The following MICAL2 variants were observed in gnomAD, a reference collection of about 807,000 sequenced individuals.
The protein encoded by MICAL2 is [F-actin]-monooxygenase MICAL2.
A neutral mutation model predicts 127.3 loss-of-function variants in MICAL2; 77 were observed. That is an observed-to-expected ratio of 0.60 (90% CI 0.50 to 0.73). The LOEUF (loss-of-function observed/expected upper bound fraction) is 0.73, where lower values mean the gene tolerates loss of function less well. Ranked by LOEUF, MICAL2 falls within the 30% of genes least tolerant of loss-of-function variation. The pLI is 0.00. For missense variants in MICAL2, 1,351 were observed against 1,434.4 expected, an observed-to-expected ratio of 0.94 and a Z score of 0.94; for synonymous variants, 570 against 551.1, an observed-to-expected ratio of 1.03 and a Z score of -0.48.
chr11:12,205,258 G>T (rs1302448449), intron 4 of MICAL2, among the ~76,000 whole-genome samples: 1 of 152,166 alleles, frequency 6.6e-6, no homozygotes, highest in Non-Finnish European at 1.5e-5. Flanking sequence ...CGGGTTTTGG[G>T]AAAGGCAGCC....
At chr11:12,245,019 A>G (rs189133075) in intron 21 of MICAL2, among the ~76,000 whole-genome samples, 2 of 152,322 alleles carry the variant, frequency 1.3e-5, no homozygotes, top group Non-Finnish European at 2.9e-5. Context: ...CTCACAAACA[A>G]TGATTAAGAC....
At chr11:12,200,899 CCTT>C (rs1401734196) in intron 3 of MICAL2, among the ~76,000 whole-genome samples, 3 of 152,288 alleles carry the variant, frequency 2.0e-5, no homozygotes, top group East Asian at 3.9e-4. Context: ...GGGCTCCCCT[CCTT>C]CTTTCCTGCC....
chr11:12,213,851 C>T (rs1046137519), intron 7 of MICAL2, among the ~76,000 whole-genome samples: 53 of 152,272 alleles, frequency 3.5e-4, no homozygotes, highest in Non-Finnish European at 5.9e-5. Flanking sequence ...CCTAAAGGTT[C>T]CCGGGTGAGT....
intron 3 of MICAL2, among the ~76,000 whole-genome samples, chr11:12,173,780 A>G (rs1472388808): frequency 6.6e-6 from 1 of 152,152 alleles, no homozygotes; most frequent in African/African-American, 2.4e-5. Flanking sequence ...TGTAAGTGGA[A>G]TCATATTGTC....
At chr11:12,144,244 T>C (rs1372180873) in intron 2 of MICAL2, among the ~76,000 whole-genome samples, 1 of 152,162 alleles carries the variant, frequency 6.6e-6, no homozygotes, top group African/African-American at 2.4e-5. Flanking sequence ...TTAGTAAACA[T>C]GTTTTTCAGA....
At chr11:12,294,190 T>A (rs1863943121), downstream of MICAL2, 1 of 1,613,806 alleles carries the variant, frequency 6.2e-7, no homozygotes, top group Non-Finnish European at 8.5e-7. Flanking sequence ...TGGGGACCCC[T>A]GCGGAACAAG....
At chr11:12,211,237 C>T (rs150935976) in intron 6 of MICAL2, among the ~76,000 whole-genome samples, 12,112 of 152,066 alleles carry the variant, frequency 0.08, 694 homozygotes, top group Middle Eastern at 0.13. Context: ...AAAAATTAGC[C>T]GGGCATGGTG....
chr11:12,349,827 T>C lies in MICAL2; in HGVS notation c.5516-11T>C, dbSNP rs1263079028. Reference sequence around the variant, plus strand: ...CCAATCTAACCCATTTGCTGTTGATTTCTTAAGCAGATTCAGGCACACAGG... The same window carrying C: ...CCAATCTAACCCATTTGCTGTTGATCTCTTAAGCAGATTCAGGCACACAGG... On this transcript the variant is annotated splice_polypyrimidine_tract_variant and intron_variant, in intron 32 of 34. Transcript: ENST00000646065. 3.1e-6 allele frequency: 5 copies of C among 1,613,600 alleles called. No homozygotes were observed. In the African/African-American group the frequency reaches 6.7e-5, roughly 22 times the overall value.
At chr11:12,224,398 A>G (rs1311366144) in intron 12 of MICAL2, 1 of 399,372 alleles carries the variant, frequency 2.5e-6, no homozygotes, top group Non-Finnish European at 4.6e-6. Flanking sequence ...TCCCCACTAG[A>G]TGAGCATGTT....
upstream of MICAL2, among the ~76,000 whole-genome samples, chr11:12,274,147 A>G (rs542094932): frequency 6.6e-6 from 1 of 152,302 alleles, no homozygotes; most frequent in Admixed American, 6.5e-5. Flanking sequence ...GACACTGTGG[A>G]GAGGGAGGAG....
At chr11:12,291,441 G>A (rs1387061847), downstream of MICAL2, among the ~76,000 whole-genome samples, 3 of 152,088 alleles carry the variant, frequency 2.0e-5, no homozygotes, top group African/African-American at 7.2e-5. Context: ...GATGATCTCA[G>A]CCCCCCACAG....
chr11:12,281,582 G>A (rs1490783453), intron 2 of MICAL2, among the ~76,000 whole-genome samples: 1 of 152,176 alleles, frequency 6.6e-6, no homozygotes, highest in Non-Finnish European at 1.5e-5. Context: ...TGGGGCTTGT[G>A]GGATGCACCC....
At chr11:12,216,359 T>C in intron 8 of MICAL2, 40 bp downstream of exon 8, 2 of 1,488,424 alleles carry the variant, frequency 1.3e-6, no homozygotes, top group African/African-American at 2.8e-5. Flanking sequence ...CTTCGCGACC[T>C]GGGCTGGTGA....
Position 12,242,315 on chromosome 11 carries a change from T to G in MICAL2, c.2439T>G (p.Ser813=), listed in dbSNP as rs1165824135. The change falls in exon 19 of 28, where the codon TCT becomes TCG. Residue 813 remains serine, a synonymous_variant. Transcript: ENST00000683283. ...LSRPWRARAK[S]DLQLGGTENF... is the part of the protein sequence containing the mutation. ...GACCTTGGAGAGCCAGAGCCAAGTC[T>G]GACCTACAGCTGGGTGGGACAGAAA... The G allele has an allele frequency of 9.9e-6, 16 of 1,614,166 alleles. No individual in the cohort carries two copies. Among genetic ancestry groups the G allele is most frequent in the Non-Finnish European group, 1.3e-5 (15 of 1,180,000 alleles).
chr11:12,245,358 C>G (rs1394433334), intron 21 of MICAL2, among the ~76,000 whole-genome samples: 1 of 152,208 alleles, frequency 6.6e-6, no homozygotes, highest in African/African-American at 2.4e-5. Flanking sequence ...GATGCACAAA[C>G]CAGCTCCATG....
chr11:12,239,075 T>G (rs753124355), intron 16 of MICAL2, among the ~76,000 whole-genome samples: 104 of 152,232 alleles, frequency 6.8e-4, no homozygotes, highest in Non-Finnish European at 5.0e-4. Context: ...CAACACTTCA[T>G]GATTATACTT....
At chr11:12,302,368 T>C (rs1864057510) in intron 29 of MICAL2, among the ~76,000 whole-genome samples, 1 of 152,214 alleles carries the variant, frequency 6.6e-6, no homozygotes, top group Non-Finnish European at 1.5e-5. Flanking sequence ...TACCAATGTA[T>C]ATACTCTCAG....
At chr11:12,145,998 T>G (rs1389550015) in intron 2 of MICAL2, among the ~76,000 whole-genome samples, 1 of 152,182 alleles carries the variant, frequency 6.6e-6, no homozygotes, top group Admixed American at 6.5e-5. Context: ...AATGAAAAAT[T>G]TAGAAATCGT....
At chr11:12,356,312 A>T (rs1200833172) in intron 34 of MICAL2, among the ~76,000 whole-genome samples, 3 of 152,178 alleles carry the variant, frequency 2.0e-5, no homozygotes, top group African/African-American at 7.2e-5. Context: ...CTCCATGGTA[A>T]ACTTAATCTG....
Sources: gnomAD v4.1 joint callset for allele counts (sites outside exome capture counted in the v4.1 genomes callset) on GRCh38, gnomAD v4.1.1 for gene constraint, MANE v1.5 for transcripts, NCBI Gene and HGNC (gene_info 2026-07-23, HGNC 2026-07-21) for gene names.